ADGRV1: variants seen among roughly 807,000 people sequenced by gnomAD.
ADGRV1 encodes the protein G-protein coupled receptor 98.
Under a neutral mutation model 596.2 loss-of-function variants are expected in ADGRV1, and 359 were observed. The observed-to-expected ratio is 0.60, with a 90% CI of 0.55 to 0.66. The LOEUF is 0.66. ADGRV1 is among the 30% of genes least tolerant of loss of function. The probability of loss-of-function intolerance (pLI) is 0.00; values close to 1 mark genes in which losing one functional copy is unlikely to be tolerated. For missense variants in ADGRV1, 7,274 were observed against 7,575.6 expected (o/e 0.96, Z 1.48); for synonymous variants, 2,681 against 2,679.2 (o/e 1.00, Z -0.02).
intron 83 of ADGRV1, among the ~76,000 whole-genome samples, chr5:90,939,759 T>C (rs1346115038): frequency 6.6e-6 from 1 of 152,160 alleles, no homozygotes; most frequent in Admixed American, 6.5e-5. Context: ...ACTTGAATAG[T>C]GATTTCCAGG....
chr5:90,834,187 TAC>T (rs1392160563), intron 77 of ADGRV1, among the ~76,000 whole-genome samples: 1 of 152,232 alleles, frequency 6.6e-6, no homozygotes, highest in African/African-American at 2.4e-5. Flanking sequence ...ACACCAAAAT[TAC>T]AGTGTTATAG....
At chr5:90,612,622 AAT>A (rs1337986383) in intron 1 of ADGRV1, among the ~76,000 whole-genome samples, 2 of 152,004 alleles carry the variant, frequency 1.3e-5, no homozygotes, top group Admixed American at 1.3e-4. Context: ...GTAAGGATTA[AAT>A]GTGTTAATGT....
intron 87 of ADGRV1, among the ~76,000 whole-genome samples, chr5:91,106,973 A>C (rs1791931763): frequency 6.6e-6 from 1 of 152,168 alleles, no homozygotes. Flanking sequence ...TGTAGCAGAG[A>C]AGTTAAATAG....
chr5:91,137,875 CA>C (rs1267517921), intron 87 of ADGRV1, among the ~76,000 whole-genome samples: 1 of 152,138 alleles, frequency 6.6e-6, no homozygotes. Context: ...GTGAATGAAC[CA>C]AAGATGATTA....
intron 67 of ADGRV1, among the ~76,000 whole-genome samples, chr5:90,787,285 A>G (rs1436250861): frequency 6.6e-6 from 1 of 152,202 alleles, no homozygotes; most frequent in Non-Finnish European, 1.5e-5. Context: ...TGTTTCTTAT[A>G]ACAATGTATG....
At chr5:91,158,548 T>A (rs1273888128) in intron 89 of ADGRV1, among the ~76,000 whole-genome samples, 1 of 152,210 alleles carries the variant, frequency 6.6e-6, no homozygotes, top group East Asian at 1.9e-4. Context: ...TTCTATGTAC[T>A]TCCCTTCCCC....
intron 67 of ADGRV1, 28 bp downstream of exon 67, chr5:90,784,085 A>G (rs746263076): frequency 1.3e-6 from 2 of 1,485,792 alleles, no homozygotes; most frequent in Non-Finnish European, 1.8e-6. Flanking sequence ...ATGACTTTAA[A>G]TATAATTTTT....
chr5:91,004,297 A>G (rs1782089775), intron 85 of ADGRV1, among the ~76,000 whole-genome samples: 1 of 152,198 alleles, frequency 6.6e-6, no homozygotes, highest in South Asian at 2.1e-4. Context: ...TGTAGCATGC[A>G]GGACAGTTTC....
At chr5:91,155,204 T>C (rs1265691512) in intron 89 of ADGRV1, among the ~76,000 whole-genome samples, 1 of 152,038 alleles carries the variant, frequency 6.6e-6, no homozygotes, top group East Asian at 1.9e-4. Context: ...AGTTAAAAAA[T>C]GACAGAGGAG....
chr5:90,607,607 A>G (rs1288345113), intron 1 of ADGRV1, among the ~76,000 whole-genome samples: 1 of 152,098 alleles, frequency 6.6e-6, no homozygotes, highest in African/African-American at 2.4e-5. Flanking sequence ...TAGGTGGGAG[A>G]ATGGAAGATT....
At chr5:91,015,518 T>G (rs1418307214) in intron 85 of ADGRV1, among the ~76,000 whole-genome samples, 1 of 152,062 alleles carries the variant, frequency 6.6e-6, no homozygotes, top group Non-Finnish European at 1.5e-5. Context: ...GGAGTCTATG[T>G]CTCTTTGTAG....
intron 85 of ADGRV1, among the ~76,000 whole-genome samples, chr5:91,034,513 A>G (rs1784717175): frequency 6.6e-6 from 1 of 152,174 alleles, no homozygotes; most frequent in African/African-American, 2.4e-5. Flanking sequence ...ATCCTTCCAT[A>G]TAAATGTTTT....
intron 83 of ADGRV1, among the ~76,000 whole-genome samples, chr5:90,925,072 T>G (rs528983311): frequency 2.0e-5 from 3 of 152,084 alleles, no homozygotes; most frequent in Non-Finnish European, 4.4e-5. Flanking sequence ...GTGTGATGCC[T>G]CCAGCTTTTT....
At chr5:91,051,748 G>A (rs987060762) in intron 85 of ADGRV1, among the ~76,000 whole-genome samples, 11 of 151,472 alleles carry the variant, frequency 7.3e-5, no homozygotes, top group Non-Finnish European at 1.3e-4. Flanking sequence ...GGGGTTTCAC[G>A]ACGTTAGCCA....
intron 85 of ADGRV1, among the ~76,000 whole-genome samples, chr5:91,006,236 CAG>C (rs1782266064): frequency 6.6e-6 from 1 of 152,126 alleles, no homozygotes; most frequent in Non-Finnish European, 1.5e-5. Context: ...AAGGGGAATA[CAG>C]GTACAGAGCC....
chr5:90,628,437 TA>T, intron 7 of ADGRV1, 124 bp from the exon 8 acceptor site: 1 of 784,516 alleles, frequency 1.3e-6, no homozygotes, highest in Non-Finnish European at 2.1e-6. Flanking sequence ...ACAAATCAGT[TA>T]TTTTTTTGTT....
Position 90,602,277 on chromosome 5 carries a change from A to G in ADGRV1, c.23-12558A>G, listed in dbSNP as rs545894197. Among the ~76,000 whole-genome samples, 399 of 152,318 alleles carry G rather than the reference A, an allele frequency of 2.6e-3. 1 individual carries two copies. Among genetic ancestry groups the G allele is most frequent in the Non-Finnish European group, 3.6e-3 (246 of 68,020 alleles). On this transcript the variant is annotated intron_variant, in intron 1 of 89. Coordinates refer to ENST00000405460, the MANE Select transcript of ADGRV1 (RefSeq NM_032119.4). ...GAAGTAAGTTTGTTTGATTTAACGG[A>G]AAACAGTAAGAAATTTTCGAAAGGG...
intron 83 of ADGRV1, among the ~76,000 whole-genome samples, chr5:90,937,480 C>T (rs1488981325): frequency 1.8e-4 from 22 of 122,338 alleles, no homozygotes; most frequent in Middle Eastern, 6.1e-3. Context: ...TTTTTTGAGA[C>T]GGAGTCTAGC....
intron 1 of ADGRV1, among the ~76,000 whole-genome samples, chr5:90,571,644 A>C (rs1456379411): frequency 6.6e-6 from 1 of 152,166 alleles, no homozygotes; most frequent in African/African-American, 2.4e-5. Flanking sequence ...AAATAAAGAT[A>C]CTGTGGTGAG....
Sources: allele counts gnomAD v4.1 joint callset (sites outside exome capture counted in the v4.1 genomes callset), GRCh38; gene constraint gnomAD v4.1.1; transcripts MANE v1.5; gene names NCBI Gene and HGNC (gene_info 2026-07-23, HGNC 2026-07-21).